NDST4: variants seen among roughly 807,000 people sequenced by gnomAD.
NDST4 encodes N-heparan sulfate sulfotransferase 4.
NDST4 carries 63 observed loss-of-function variants against 100.8 expected under a neutral mutation model. The observed-to-expected ratio is 0.62, with a 90% CI of 0.51 to 0.77. NDST4 has a LOEUF of 0.77. NDST4 is among the 30% of genes least tolerant of loss of function. The pLI, the probability that NDST4 is intolerant of heterozygous loss-of-function variation, is 0.00. For synonymous variants in NDST4, 377 were observed against 361.8 expected, an observed-to-expected ratio of 1.04 and a Z score of -0.48; for missense variants, 943 against 1,018.4, an observed-to-expected ratio of 0.93 and a Z score of 1.01.
chr4:114,993,419 C>T (rs2126252644), intron 2 of NDST4, among the ~76,000 whole-genome samples: 1 of 151,916 alleles, frequency 6.6e-6, no homozygotes, highest in East Asian at 1.9e-4. Flanking sequence ...TTAAGTAATA[C>T]TAGTTATAGA....
intron 2 of NDST4, among the ~76,000 whole-genome samples, chr4:115,058,934 T>C (rs1728757921): frequency 6.6e-6 from 1 of 151,226 alleles, no homozygotes; most frequent in South Asian, 2.1e-4. Context: ...TTTCATAGAG[T>C]CAGAATAGAT....
intron 1 of NDST4, among the ~76,000 whole-genome samples, chr4:115,081,818 C>G (rs1056575790): frequency 6.6e-6 from 1 of 152,138 alleles, no homozygotes; most frequent in Non-Finnish European, 1.5e-5. Flanking sequence ...CCACTTTCCC[C>G]TTATATGGTG....
At chr4:114,839,319 T>A in intron 11 of NDST4, 59 bp downstream of exon 11, 1 of 1,453,486 alleles carries the variant, frequency 6.9e-7, no homozygotes. Context: ...TATAATAAAA[T>A]ATAAAATTTC....
chr4:115,112,106 T>G (rs950602085), intron 1 of NDST4, among the ~76,000 whole-genome samples: 3 of 150,592 alleles, frequency 2.0e-5, no homozygotes, highest in Non-Finnish European at 4.4e-5. Flanking sequence ...CACACACTCA[T>G]GCACACAAAT....
At chr4:114,833,303 A>T (rs1723240188) in intron 12 of NDST4, among the ~76,000 whole-genome samples, 1 of 152,164 alleles carries the variant, frequency 6.6e-6, no homozygotes, top group African/African-American at 2.4e-5. Context: ...TTGTAAACTA[A>T]ATTTCTAGGA....
chr4:114,929,041 T>TCCGTCCGTCC (rs1560816896), intron 6 of NDST4, among the ~76,000 whole-genome samples: 10 of 121,984 alleles, frequency 8.2e-5, no homozygotes, highest in African/African-American at 1.2e-4. Flanking sequence ...TCTGTCTGTC[T>TCCGTCCGTCC]GTCCGTCCGT....
chr4:114,936,259 T>G (rs1043301518), intron 5 of NDST4, among the ~76,000 whole-genome samples: 1 of 152,196 alleles, frequency 6.6e-6, no homozygotes, highest in Non-Finnish European at 1.5e-5. Flanking sequence ...TCTATGGCCA[T>G]CAATGCCACT....
At chr4:115,067,635 G>C (rs1728977989) in intron 2 of NDST4, among the ~76,000 whole-genome samples, 1 of 151,096 alleles carries the variant, frequency 6.6e-6, no homozygotes, top group Non-Finnish European at 1.5e-5. Flanking sequence ...TTAATGATAT[G>C]ATAATTCTTA....
At chr4:114,832,536 TC>T (rs1457238176) in intron 12 of NDST4, among the ~76,000 whole-genome samples, 1 of 152,184 alleles carries the variant, frequency 6.6e-6, no homozygotes, top group African/African-American at 2.4e-5. Flanking sequence ...TTTACATTTC[TC>T]CCCATTTTTA....
At chr4:114,938,577 A>G (rs896231524) in intron 4 of NDST4, among the ~76,000 whole-genome samples, 2 of 152,346 alleles carry the variant, frequency 1.3e-5, no homozygotes, top group Admixed American at 6.5e-5. Flanking sequence ...AGCTGATTGA[A>G]TCAATAAACA....
rs142828746 is a variant in NDST4, at chr4:115,024,124, C to A, written c.979-46850G>T. On this transcript the variant is annotated intron_variant, in intron 2 of 13. Coordinates refer to ENST00000264363, the MANE Select transcript of NDST4 (RefSeq NM_022569.3). ...ACTTAGGAGCCCAGGCAGACCTCCT[C>A]ACAGGGGAAGAGCCACTTCACACAG... Among the ~76,000 whole-genome samples, 412 of 152,242 alleles carry A rather than the reference C, an allele frequency of 2.7e-3. 2 individuals are homozygous for A. The highest frequency in any genetic ancestry group is 9.6e-3 in the African/African-American group (399 of 41,562).
intron 7 of NDST4, among the ~76,000 whole-genome samples, chr4:114,867,407 G>C (rs913001776): frequency 6.6e-6 from 1 of 151,980 alleles, no homozygotes; most frequent in African/African-American, 2.4e-5. Flanking sequence ...CCCTGGAGAC[G>C]TTGGCATGGG....
intron 12 of NDST4, 123 bp from the exon 13 acceptor site, chr4:114,830,015 C>A: frequency 1.4e-6 from 1 of 694,436 alleles, no homozygotes; most frequent in Non-Finnish European, 2.4e-6. Flanking sequence ...TTCATTTTTA[C>A]AGATATTTAT....
At chr4:115,067,575 T>G (rs1054512129) in intron 2 of NDST4, among the ~76,000 whole-genome samples, 3 of 151,932 alleles carry the variant, frequency 2.0e-5, no homozygotes, top group Non-Finnish European at 2.9e-5. Context: ...TTTAAGATTT[T>G]ATTTTATAAT....
intron 2 of NDST4, among the ~76,000 whole-genome samples, chr4:115,057,727 C>G (rs866334102): frequency 1.2e-5 from 1 of 83,184 alleles, no homozygotes; most frequent in African/African-American, 7.4e-5. Flanking sequence ...CACACACACA[C>G]ACACACAGAC....
At chr4:115,011,566 T>A (rs956183237) in intron 2 of NDST4, among the ~76,000 whole-genome samples, 1 of 151,952 alleles carries the variant, frequency 6.6e-6, no homozygotes, top group African/African-American at 2.4e-5. Context: ...AACTTAGACA[T>A]CTTGTTTTTT....
chr4:114,847,100 G>A (rs938629562), intron 9 of NDST4, among the ~76,000 whole-genome samples: 2 of 131,366 alleles, frequency 1.5e-5, no homozygotes, highest in Non-Finnish European at 3.0e-5. Flanking sequence ...CTTTCGGCCG[G>A]GCGCGGTGGC....
intron 2 of NDST4, among the ~76,000 whole-genome samples, chr4:114,992,688 A>G (rs1177153968): frequency 2.0e-5 from 3 of 151,970 alleles, no homozygotes; most frequent in East Asian, 3.9e-4. Flanking sequence ...GCATTTTACA[A>G]TTTTCAAAAG....
intron 6 of NDST4, among the ~76,000 whole-genome samples, chr4:114,898,399 C>T (rs1724762787): frequency 6.6e-6 from 1 of 152,254 alleles, no homozygotes; most frequent in African/African-American, 2.4e-5. Flanking sequence ...TTTCTACTAT[C>T]TTCCATTGAT....
Sources: gnomAD v4.1 joint callset for allele counts (sites outside exome capture counted in the v4.1 genomes callset) on GRCh38, gnomAD v4.1.1 for gene constraint, MANE v1.5 for transcripts, NCBI Gene and HGNC (gene_info 2026-07-23, HGNC 2026-07-21) for gene names.